Variants in LDB3 observed in about 807,000 individuals in gnomAD.
The protein encoded by LDB3 is LIM domain binding 3.
A neutral mutation model predicts 69.0 loss-of-function variants in LDB3; 49 were observed. The observed-to-expected ratio is 0.71, with a 90% CI of 0.56 to 0.90. The LOEUF is 0.90. LDB3 is among the 40% of genes least tolerant of loss of function. The probability of loss-of-function intolerance (pLI) is 0.00; values close to 1 mark genes in which losing one functional copy is unlikely to be tolerated. For missense variants in LDB3, 928 were observed against 974.1 expected (o/e 0.95, Z 0.63); for synonymous variants, 387 against 396.2 (o/e 0.98, Z 0.28).
chr10:86,722,365 A>G (rs1847108005), intron 12 of LDB3, among the ~76,000 whole-genome samples: 1 of 151,674 alleles, frequency 6.6e-6, no homozygotes, highest in South Asian at 2.1e-4. Flanking sequence ...GGTTCATGCA[A>G]TTCTCCTGCC....
intron 2 of LDB3, among the ~76,000 whole-genome samples, chr10:86,669,626 G>A (rs1003757591): frequency 3.3e-5 from 5 of 152,232 alleles, no homozygotes; most frequent in Non-Finnish European, 5.9e-5. Flanking sequence ...TAGGCACTCC[G>A]TCAGTTTCTG....
At chr10:86,711,347 G>A (rs1846655558) in intron 9 of LDB3, among the ~76,000 whole-genome samples, 1 of 152,096 alleles carries the variant, frequency 6.6e-6, no homozygotes. Flanking sequence ...GCCCAGGCGA[G>A]CGAGACGGGC....
Position 86,668,745 on chromosome 10 carries a change from G to GGGGGGCAA in LDB3, c.57_64dup (p.Asp22GlyfsTer42). On this transcript the variant is annotated frameshift_variant, in exon 2 of 14. Transcript: ENST00000361373. LOFTEE classifies it high-confidence loss of function. ...CCGGGCCCTGGGGCTTCCGTCTGCA[G>GGGGGGCAA]GGGGGCAAGGACTTCAACATGCCCC... 1 of 1,613,280 alleles carries GGGGGGCAA rather than the reference G, an allele frequency of 6.2e-7. No individual in the cohort carries two copies. Among genetic ancestry groups the GGGGGGCAA allele is most frequent in the Non-Finnish European group, 8.5e-7 (1 of 1,179,960 alleles).
chr10:86,676,601 G>A lies in LDB3; in HGVS notation c.94-2766G>A, dbSNP rs1844808573. Among the ~76,000 whole-genome samples the A allele has an allele frequency of 2.0e-5, 3 of 150,960 alleles. No homozygotes were observed. The South Asian group carries it at 6.3e-4, about 32-fold the overall frequency. On this transcript the variant is annotated intron_variant, in intron 2 of 13. Transcript: ENST00000361373. Reference sequence around the variant, plus strand: ...AAAAGAGAAAGAAAAAAAAAAAAGAGGGCACCACAGCCCCTAGGGCTGAAA... The same window carrying A: ...AAAAGAGAAAGAAAAAAAAAAAAGAAGGCACCACAGCCCCTAGGGCTGAAA...
At chr10:86,705,750 T>C (rs1846416222) in intron 7 of LDB3, among the ~76,000 whole-genome samples, 1 of 152,236 alleles carries the variant, frequency 6.6e-6, no homozygotes, top group African/African-American at 2.4e-5. Flanking sequence ...CTCAGGACCA[T>C]GTTCTTGTCA....
In LDB3 at chr10:86,680,144, T is replaced by A; in HGVS notation, c.308T>A (p.Ile103Asn). ...APPVQTPLPV[I>N]PHQKDPALDT... is the part of the protein sequence containing the mutation. ...CCAGTCCAGACCCCTCTGCCGGTGA[T>A]CCCTCACCAGAAGGTAGGTGCTGAC... The change falls in exon 4 of 14, where the codon ATC (isoleucine) becomes AAC (asparagine). Residue 103 changes from isoleucine (I) to asparagine (N), a missense_variant. Coordinates refer to ENST00000361373, the MANE Select transcript of LDB3 (RefSeq NM_007078.3). 4 of 1,614,062 alleles carry A rather than the reference T, an allele frequency of 2.5e-6. No individual in the cohort carries two copies. Among genetic ancestry groups the A allele is most frequent in the Non-Finnish European group, 3.4e-6 (4 of 1,179,908 alleles).
intron 2 of LDB3, among the ~76,000 whole-genome samples, chr10:86,671,490 A>C (rs1844471388): frequency 6.6e-6 from 1 of 151,916 alleles, no homozygotes; most frequent in South Asian, 2.1e-4. Flanking sequence ...CAAGAGGGAG[A>C]CTGGGAAAGG....
intron 5 of LDB3, 145 bp downstream of exon 5, chr10:86,681,948 C>A (rs909422594): frequency 1.2e-5 from 10 of 845,954 alleles, no homozygotes; most frequent in Non-Finnish European, 1.8e-5. Context: ...AGTGATCCTG[C>A]GGCATTTGCC....
At chr10:86,715,760 A>G (rs1846844556) in intron 9 of LDB3, among the ~76,000 whole-genome samples, 1 of 151,996 alleles carries the variant, frequency 6.6e-6, no homozygotes, top group African/African-American at 2.4e-5. Context: ...TTGCCCCCCA[A>G]TACAAATCAA....
chr10:86,687,971 CTG>C (rs1375473671), intron 5 of LDB3, among the ~76,000 whole-genome samples: 3 of 152,132 alleles, frequency 2.0e-5, no homozygotes, highest in African/African-American at 4.8e-5. Flanking sequence ...CTGCGTGTCT[CTG>C]TGTCTCCCTC....
chr10:86,676,010 A>G (rs1844772413), intron 2 of LDB3, among the ~76,000 whole-genome samples: 2 of 152,126 alleles, frequency 1.3e-5, no homozygotes, highest in Admixed American at 6.5e-5. Context: ...TCACCTCTAC[A>G]CTCAAGGCAG....
chr10:86,681,923 G>A (rs1477683517), intron 5 of LDB3, 120 bp downstream of exon 5: 2 of 1,068,440 alleles, frequency 1.9e-6, no homozygotes, highest in Non-Finnish European at 2.7e-6. Context: ...CCAGCCCCGA[G>A]CCCATGAGGT....
intron 7 of LDB3, among the ~76,000 whole-genome samples, chr10:86,703,712 G>C (rs1007292367): frequency 6.6e-6 from 1 of 152,230 alleles, no homozygotes; most frequent in Non-Finnish European, 1.5e-5. Flanking sequence ...AAATAGCTGA[G>C]GGCCCGCTTG....
In LDB3 at chr10:86,670,380, C is replaced by T. The variant is rs556790762; in HGVS notation, c.93+1596C>T. Reference sequence around the variant, plus strand: ...CACCCCCATGCTTGCAGGACTCCTTCCTGTATAAGGTGGAGCCTCTGTGTG... The same window carrying T: ...CACCCCCATGCTTGCAGGACTCCTTTCTGTATAAGGTGGAGCCTCTGTGTG... On this transcript the variant is annotated intron_variant, in intron 2 of 13. Coordinates refer to ENST00000361373, the MANE Select transcript of LDB3 (RefSeq NM_007078.3). Among the ~76,000 whole-genome samples, 4 of 152,286 alleles carry T rather than the reference C, an allele frequency of 2.6e-5. No individual in the cohort carries two copies. In the East Asian group the frequency reaches 5.8e-4, roughly 22 times the overall value.
intron 5 of LDB3, chr10:86,685,685 T>G: frequency 6.2e-7 from 1 of 1,614,200 alleles, no homozygotes; most frequent in Non-Finnish European, 8.5e-7. Context: ...CAGGTGGTAG[T>G]CAACTCTCCA....
At chr10:86,703,898 G>A (rs747411271) in intron 7 of LDB3, among the ~76,000 whole-genome samples, 3 of 152,136 alleles carry the variant, frequency 2.0e-5, no homozygotes, top group Non-Finnish European at 2.9e-5. Flanking sequence ...TGGATCACCT[G>A]AGGTCAGGAG....
In LDB3 at chr10:86,689,638, T is replaced by C. The variant is rs948101021; in HGVS notation, c.690-2258T>C. On this transcript the variant is annotated intron_variant, in intron 5 of 13. Coordinates refer to ENST00000361373, the MANE Select transcript of LDB3 (RefSeq NM_007078.3). ...TAGACCCAGACATTAGAATGCACACTGGGCCATTATTCAGGGCTAGAAGGT... is the reference window on the plus strand; with the variant it reads ...TAGACCCAGACATTAGAATGCACACCGGGCCATTATTCAGGGCTAGAAGGT... Among the ~76,000 whole-genome samples the C allele has an allele frequency of 2.6e-5, 4 of 152,274 alleles. No individual in the cohort carries two copies. In the South Asian group the frequency reaches 8.3e-4, roughly 32 times the overall value.
upstream of LDB3, among the ~76,000 whole-genome samples, chr10:86,667,343 TC>T (rs1427107376): frequency 6.6e-6 from 1 of 152,018 alleles, no homozygotes; most frequent in Non-Finnish European, 1.5e-5. Context: ...CCCAGTTGCC[TC>T]CCCTGAGCCT....
In LDB3 at chr10:86,674,021, C is replaced by T. The variant is rs186451847; in HGVS notation, c.93+5237C>T. 6.8e-3 allele frequency among the ~76,000 whole-genome samples: 1,028 copies of T among 152,222 alleles called. 18 individuals are homozygous for T. Among genetic ancestry groups the T allele is most frequent in the Admixed American group, 0.038 (579 of 15,290 alleles). ...CCCTCCCCCCAACACCCAGGCCCCT[C>T]TAGGGACAGCAGGCTGGCTCAGAAC... On this transcript the variant is annotated intron_variant, in intron 2 of 13. Coordinates refer to ENST00000361373, the MANE Select transcript of LDB3 (RefSeq NM_007078.3).
Sources: gnomAD v4.1 joint callset for allele counts (sites outside exome capture counted in the v4.1 genomes callset) on GRCh38, gnomAD v4.1.1 for gene constraint, MANE v1.5 for transcripts, NCBI Gene and HGNC (gene_info 2026-07-23, HGNC 2026-07-21) for gene names.